Variants in NUDCD3 observed in about 807,000 individuals in gnomAD.
NUDCD3 encodes NudC domain containing 3.
NUDCD3 carries 13 observed loss-of-function variants against 39.7 expected under a neutral mutation model. That is an observed-to-expected ratio of 0.33 (90% CI 0.21 to 0.52). NUDCD3 has a LOEUF of 0.52. Among genes scored for constraint, NUDCD3 ranks in the 20% least tolerant of loss-of-function variants. NUDCD3 has a pLI of 0.96. For missense variants in NUDCD3, 453 were observed against 458.1 expected (o/e 0.99, Z 0.10); for synonymous variants, 175 against 172.4 (o/e 1.02, Z -0.12).
At chr7:44,464,714 A>G (rs1224395982) in intron 2 of NUDCD3, among the ~76,000 whole-genome samples, 1 of 152,150 alleles carries the variant, frequency 6.6e-6, no homozygotes, top group Non-Finnish European at 1.5e-5. Context: ...TTGGCCTCCC[A>G]AAGGGCTAGG....
At chr7:44,447,127 G>C (rs1475286451) in intron 2 of NUDCD3, among the ~76,000 whole-genome samples, 2 of 152,222 alleles carry the variant, frequency 1.3e-5, no homozygotes, top group Non-Finnish European at 2.9e-5. Context: ...GGGCAGGCCT[G>C]GTAGGAGAAG....
chr7:44,488,347 AAAAAAAAAAAG>A (rs1800660703), intron 1 of NUDCD3, among the ~76,000 whole-genome samples: 1 of 151,872 alleles, frequency 6.6e-6, no homozygotes, highest in Non-Finnish European at 1.5e-5. Context: ...GGAAAAAAAA[AAAAAAAAAAAG>A]AAAGAAAAAA....
At chr7:44,478,150 T>C (rs547775271) in intron 2 of NUDCD3, among the ~76,000 whole-genome samples, 7 of 152,330 alleles carry the variant, frequency 4.6e-5, no homozygotes, top group Non-Finnish European at 1.0e-4. Context: ...ACTATTAAAA[T>C]TGTAAAGCAT....
chr7:44,420,673 G>T (rs966082117), intron 3 of NUDCD3, among the ~76,000 whole-genome samples: 4 of 152,236 alleles, frequency 2.6e-5, no homozygotes, highest in Non-Finnish European at 4.4e-5. Context: ...CTACAAGCCA[G>T]AAGACAGTGA....
At chr7:44,413,041 G>A (rs1798960479) in intron 3 of NUDCD3, 1 of 151,648 alleles carries the variant, frequency 6.6e-6, no homozygotes, top group South Asian at 2.1e-4. Flanking sequence ...GGCAGCAAGA[G>A]TTCAAATAAC....
intron 2 of NUDCD3, among the ~76,000 whole-genome samples, chr7:44,456,038 A>AC (rs1203661647): frequency 1.6e-5 from 2 of 127,442 alleles, no homozygotes; most frequent in Non-Finnish European, 3.5e-5. Flanking sequence ...AAAAAAAAAA[A>AC]AAAAAAAAAA....
At chr7:44,399,305 C>A (rs1798679659) in intron 4 of NUDCD3, among the ~76,000 whole-genome samples, 2 of 152,204 alleles carry the variant, frequency 1.3e-5, no homozygotes, top group Admixed American at 1.3e-4. Flanking sequence ...TTCTGATTTC[C>A]CCTGAAAAAC....
chr7:44,385,206 A>G lies in NUDCD3; in HGVS notation c.*805T>C, dbSNP rs1310089224. On this transcript the variant is annotated 3_prime_UTR_variant, in exon 6 of 6. Coordinates refer to ENST00000355451, the MANE Select transcript of NUDCD3 (RefSeq NM_015332.4). ...GCACCAGCTCTCCACTCCTGCCCAC[A>G]CTTTGACACCGTGCACCCAAAGAGG... 2 of 152,220 alleles carry G rather than the reference A, an allele frequency of 1.3e-5. No individual in the cohort carries two copies. The highest frequency in any genetic ancestry group is 1.3e-4 in the Admixed American group (2 of 15,274). The allele number at this position is 152,220 out of a possible 1,614,324, so 9.4% of individuals were successfully genotyped here. A position where few individuals can be genotyped will look rare whatever the true frequency, so the allele number is the denominator to read the frequency against.
In NUDCD3 at chr7:44,379,930, G is replaced by A. The variant is rs1041583312; in HGVS notation, c.*6081C>T. 2.6e-5 allele frequency: 4 copies of A among 152,526 alleles called. No homozygotes were observed. The highest frequency in any genetic ancestry group is 5.9e-5 in the Non-Finnish European group (4 of 68,274). 9.4% of individuals were successfully genotyped at this position (152,526 alleles called of 1,614,324 possible). On this transcript the variant is annotated 3_prime_UTR_variant, in exon 6 of 6. Coordinates refer to ENST00000355451, the MANE Select transcript of NUDCD3 (RefSeq NM_015332.4). ...GTGCAGAGCTGGGTTAGTTTTAGCA[G>A]AGGTGTGAAGGTGATTCCTCTCTGA...
intron 2 of NUDCD3, among the ~76,000 whole-genome samples, chr7:44,444,217 C>T (rs1201273359): frequency 1.3e-5 from 2 of 152,206 alleles, no homozygotes; most frequent in Non-Finnish European, 2.9e-5. Flanking sequence ...AGGTTATCAA[C>T]AGATGATAGG....
Position 44,490,525 on chromosome 7 carries a change from A to G in NUDCD3, c.76T>C (p.Phe26Leu). ...ILQHVGNVQD[F>L]LRVLFGFLYR... ...AGGAAGCCAAAGAGAACGCGCAGGA[A>G]ATCCTGGACGTTGCCCACGTGCTGC... is the stretch of plus-strand genomic sequence containing the variant. The change falls in exon 1 of 6, where the codon TTC (phenylalanine) becomes CTC (leucine). Residue 26 changes from phenylalanine (F) to leucine (L), a missense_variant. Transcript: ENST00000355451. The G allele has an allele frequency of 6.2e-7, 1 of 1,612,190 alleles. No individual in the cohort carries two copies.
intron 2 of NUDCD3, among the ~76,000 whole-genome samples, chr7:44,469,958 G>A (rs1281733253): frequency 1.3e-5 from 2 of 152,074 alleles, no homozygotes; most frequent in Non-Finnish European, 2.9e-5. Flanking sequence ...CGAATACAAT[G>A]ACAATAACAA....
intron 2 of NUDCD3, among the ~76,000 whole-genome samples, chr7:44,438,124 G>A (rs527457977): frequency 1.3e-5 from 2 of 152,226 alleles, no homozygotes; most frequent in South Asian, 4.1e-4. Flanking sequence ...AGGAGGCTGA[G>A]GCAGGAGGAC....
At chr7:44,453,089 A>T (rs2116937329) in intron 2 of NUDCD3, among the ~76,000 whole-genome samples, 1 of 152,328 alleles carries the variant, frequency 6.6e-6, no homozygotes, top group Admixed American at 6.5e-5. Context: ...GCGGTGGCTC[A>T]CGCCTGTAAT....
At chr7:44,485,512 G>A (rs1800591956) in intron 1 of NUDCD3, 1 of 503,818 alleles carries the variant, frequency 2.0e-6, no homozygotes, top group Non-Finnish European at 3.5e-6. Context: ...ATAAGCCAAG[G>A]CTAACAATAT....
intron 2 of NUDCD3, chr7:44,471,659 T>C (rs1483357713): frequency 1.3e-5 from 2 of 152,244 alleles, no homozygotes; most frequent in South Asian, 4.1e-4. Context: ...ACTCATAGGA[T>C]AGAGAACACA....
At chr7:44,440,467 CACTA>C (rs1799556654) in intron 2 of NUDCD3, among the ~76,000 whole-genome samples, 1 of 97,624 alleles carries the variant, frequency 1.0e-5, no homozygotes, top group Admixed American at 1.3e-4. Flanking sequence ...AGAAAAGGGA[CACTA>C]ACTAGTGAGA....
intron 2 of NUDCD3, among the ~76,000 whole-genome samples, chr7:44,451,289 TAG>T (rs1307004740): frequency 6.6e-6 from 1 of 152,162 alleles, no homozygotes; most frequent in Non-Finnish European, 1.5e-5. Flanking sequence ...GTCAGATTCA[TAG>T]AGACAGAAAG....
At chr7:44,389,279 A>G (rs754152159) in intron 5 of NUDCD3, among the ~76,000 whole-genome samples, 9 of 152,232 alleles carry the variant, frequency 5.9e-5, no homozygotes, top group Non-Finnish European at 1.0e-4. Context: ...GGATCCAGGT[A>G]GGGGTTTGAG....
Sources: gnomAD v4.1 joint callset for allele counts (sites outside exome capture counted in the v4.1 genomes callset) on GRCh38, gnomAD v4.1.1 for gene constraint, MANE v1.5 for transcripts, NCBI Gene and HGNC (gene_info 2026-07-23, HGNC 2026-07-21) for gene names.